SNTG1: variants seen among roughly 807,000 people sequenced by gnomAD.
The protein encoded by SNTG1 is gamma-1-syntrophin.
In SNTG1, 39 loss-of-function variants were observed where a neutral mutation model predicts 74.7. That is an observed-to-expected ratio of 0.52 (90% CI 0.40 to 0.68). The LOEUF is 0.68. SNTG1 is among the 30% of genes least tolerant of loss of function. The pLI is 0.00. For synonymous variants in SNTG1, 254 were observed against 217.1 expected, an observed-to-expected ratio of 1.17 and a Z score of -1.49; for missense variants, 685 against 609.5, an observed-to-expected ratio of 1.12 and a Z score of -1.30.
intron 2 of SNTG1, among the ~76,000 whole-genome samples, chr8:50,374,186 A>T (rs1025128070): frequency 6.6e-6 from 1 of 152,218 alleles, no homozygotes; most frequent in African/African-American, 2.4e-5. Flanking sequence ...GTTTGCTGTT[A>T]AAATCTTAAA....
chr8:49,939,965 T>C (rs948925764), intron 1 of SNTG1, among the ~76,000 whole-genome samples: 1 of 152,118 alleles, frequency 6.6e-6, no homozygotes, highest in African/African-American at 2.4e-5. Flanking sequence ...ACTGAAAAAG[T>C]CTTATGATAC....
At chr8:50,117,022 T>C (rs749619919) in intron 1 of SNTG1, among the ~76,000 whole-genome samples, 2 of 152,114 alleles carry the variant, frequency 1.3e-5, no homozygotes, top group Non-Finnish European at 2.9e-5. Context: ...CAGTGGAGAA[T>C]GAGGCATGAA....
chr8:50,411,234 G>A (rs1447719393), intron 4 of SNTG1, among the ~76,000 whole-genome samples: 1 of 152,032 alleles, frequency 6.6e-6, no homozygotes, highest in African/African-American at 2.4e-5. Context: ...AAATCACGAG[G>A]TCAGGAGATC....
intron 5 of SNTG1, among the ~76,000 whole-genome samples, chr8:50,446,713 G>A (rs936246953): frequency 6.6e-6 from 1 of 152,006 alleles, no homozygotes; most frequent in African/African-American, 2.4e-5. Flanking sequence ...CAAAAACCAT[G>A]TTTGGATTCA....
intron 1 of SNTG1, among the ~76,000 whole-genome samples, chr8:50,091,568 T>G (rs529857024): frequency 7.2e-5 from 11 of 152,216 alleles, no homozygotes; most frequent in African/African-American, 2.4e-4. Context: ...TTTATTTCAG[T>G]AAATAATGTC....
intron 17 of SNTG1, among the ~76,000 whole-genome samples, chr8:50,749,442 A>G (rs1274349337): frequency 1.3e-5 from 2 of 152,058 alleles, no homozygotes; most frequent in Non-Finnish European, 2.9e-5. Context: ...TCTAGCTAAG[A>G]TCATTGATAA....
At chr8:50,248,179 C>G (rs1179880534) in intron 2 of SNTG1, among the ~76,000 whole-genome samples, 1 of 152,076 alleles carries the variant, frequency 6.6e-6, no homozygotes, top group African/African-American at 2.4e-5. Flanking sequence ...AGCTCAGATT[C>G]TAAGGAACGA....
At chr8:50,205,189 G>C (rs1363050654) in intron 2 of SNTG1, among the ~76,000 whole-genome samples, 1 of 152,210 alleles carries the variant, frequency 6.6e-6, no homozygotes, top group East Asian at 1.9e-4. Flanking sequence ...CCCAACAGCA[G>C]TGTAAAACTG....
intron 13 of SNTG1, among the ~76,000 whole-genome samples, chr8:50,646,131 C>A (rs1387072459): frequency 1.3e-5 from 2 of 152,128 alleles, no homozygotes; most frequent in Non-Finnish European, 2.9e-5. Context: ...CCCATCATTT[C>A]TTTTTCTCTT....
At chr8:50,415,557 G>T (rs1263308152) in intron 4 of SNTG1, among the ~76,000 whole-genome samples, 1 of 151,940 alleles carries the variant, frequency 6.6e-6, no homozygotes, top group East Asian at 1.9e-4. Flanking sequence ...CCATGAAACA[G>T]TTCCTCAGTT....
At chr8:50,474,868 A>G (rs1266913295) in intron 8 of SNTG1, among the ~76,000 whole-genome samples, 2 of 152,150 alleles carry the variant, frequency 1.3e-5, no homozygotes, top group East Asian at 3.9e-4. Context: ...AAAATGTGGC[A>G]TATATACACC....
intron 1 of SNTG1, among the ~76,000 whole-genome samples, chr8:50,094,777 G>T (rs2079866562): frequency 6.6e-6 from 1 of 152,144 alleles, no homozygotes; most frequent in Non-Finnish European, 1.5e-5. Flanking sequence ...AAACAGAACT[G>T]CTATTGGACC....
intron 12 of SNTG1, among the ~76,000 whole-genome samples, chr8:50,581,562 C>T (rs765231139): frequency 6.6e-6 from 1 of 151,994 alleles, no homozygotes; most frequent in Non-Finnish European, 1.5e-5. Flanking sequence ...ATGAATTCTA[C>T]ATTTTGAAGC....
intron 2 of SNTG1, among the ~76,000 whole-genome samples, chr8:50,331,276 G>C (rs2090956721): frequency 6.6e-6 from 1 of 152,098 alleles, no homozygotes; most frequent in Non-Finnish European, 1.5e-5. Context: ...TTGTGGGGCT[G>C]GTGTACCCTC....
At chr8:50,196,087 A>C (rs1212521879) in intron 2 of SNTG1, among the ~76,000 whole-genome samples, 1 of 152,194 alleles carries the variant, frequency 6.6e-6, no homozygotes, top group African/African-American at 2.4e-5. Context: ...CTTTTATGTA[A>C]TGTCCTTAGT....
chr8:50,724,584 T>C (rs1283991329), intron 17 of SNTG1, among the ~76,000 whole-genome samples: 3 of 152,170 alleles, frequency 2.0e-5, no homozygotes, highest in African/African-American at 4.8e-5. Context: ...TTTCATTCTA[T>C]TAATTATCTA....
chr8:50,396,469 A>C (rs930749138), intron 3 of SNTG1, among the ~76,000 whole-genome samples: 1 of 152,232 alleles, frequency 6.6e-6, no homozygotes, highest in Non-Finnish European at 1.5e-5. Flanking sequence ...AAAGTAATCC[A>C]GGAATGGGAA....
intron 6 of SNTG1, among the ~76,000 whole-genome samples, chr8:50,450,024 T>C (rs2093441468): frequency 6.6e-6 from 1 of 152,190 alleles, no homozygotes; most frequent in Non-Finnish European, 1.5e-5. Flanking sequence ...ACAAAACTAA[T>C]GATAACAAGT....
At chr8:50,351,484 T>C (rs909642401) in intron 2 of SNTG1, among the ~76,000 whole-genome samples, 5 of 152,242 alleles carry the variant, frequency 3.3e-5, no homozygotes, top group African/African-American at 9.6e-5. Flanking sequence ...ATGTACTTTC[T>C]TTTTATTTTT....
Sources: gnomAD v4.1 joint callset for allele counts (sites outside exome capture counted in the v4.1 genomes callset) on GRCh38, gnomAD v4.1.1 for gene constraint, MANE v1.5 for transcripts, NCBI Gene and HGNC (gene_info 2026-07-23, HGNC 2026-07-21) for gene names.